The following TEX9 variants were observed in gnomAD, a reference collection of about 807,000 sequenced individuals.
TEX9 encodes testis expressed 9.
In TEX9, 74 loss-of-function variants were observed where a neutral mutation model predicts 59.6. That is an observed-to-expected ratio of 1.24 (90% CI 1.03 to 1.51). The LOEUF (loss-of-function observed/expected upper bound fraction) is 1.51, where lower values mean the gene tolerates loss of function less well. TEX9 is among the 40% of genes most tolerant of loss of function. The probability of loss-of-function intolerance (pLI) is 0.00; values close to 1 mark genes in which losing one functional copy is unlikely to be tolerated. For missense variants in TEX9, 522 were observed against 447.8 expected (o/e 1.17, Z -1.49); for synonymous variants, 186 against 152.2 (o/e 1.22, Z -1.64).
At chr15:56,394,772 C>T in exon 9 of TEX9, 1 of 1,613,086 alleles carries the variant, frequency 6.2e-7, no homozygotes, top group Non-Finnish European at 8.5e-7. Flanking sequence ...ATACAAAACT[C>T]TTTTCGAAGA....
chr15:56,275,211 C>T (rs944688471), intron 1 of TEX9, among the ~76,000 whole-genome samples: 5 of 152,180 alleles, frequency 3.3e-5, no homozygotes, highest in African/African-American at 4.8e-5. Context: ...TTTTCATCCC[C>T]AGCTTCCAGC....
chr15:56,253,289 CA>C (rs1432205590), intron 1 of TEX9, among the ~76,000 whole-genome samples: 1 of 151,646 alleles, frequency 6.6e-6, no homozygotes, highest in Non-Finnish European at 1.5e-5. Flanking sequence ...CTACACCAAG[CA>C]AAAAAACCCC....
intron 10 of TEX9, among the ~76,000 whole-genome samples, chr15:56,427,040 C>G (rs1204772109): frequency 6.6e-6 from 1 of 152,006 alleles, no homozygotes; most frequent in African/African-American, 2.4e-5. Flanking sequence ...GTTTTGAGGG[C>G]TCTGTTTTTC....
intron 5 of TEX9, 49 bp from the exon 6 acceptor site, chr15:56,389,269 C>G: frequency 6.9e-7 from 1 of 1,456,056 alleles, no homozygotes; most frequent in Non-Finnish European, 9.6e-7. Flanking sequence ...CTTTCTTTGG[C>G]AAATGATTAG....
chr15:56,326,859 G>A (rs1274964809), intron 1 of TEX9, among the ~76,000 whole-genome samples: 1 of 152,184 alleles, frequency 6.6e-6, no homozygotes, highest in African/African-American at 2.4e-5. Flanking sequence ...GCCATTAGAA[G>A]TTGGATGGAG....
chr15:56,434,363 T>C, intron 12 of TEX9: 3 of 1,612,792 alleles, frequency 1.9e-6, no homozygotes, highest in Non-Finnish European at 2.5e-6. Context: ...GCTTCATCTC[T>C]TTTTGCTTTC....
chr15:56,300,327 G>A (rs1259876027), intron 1 of TEX9, among the ~76,000 whole-genome samples: 2 of 151,900 alleles, frequency 1.3e-5, no homozygotes, highest in African/African-American at 2.4e-5. Flanking sequence ...TTGTGGCTTG[G>A]GTGCCAGTTC....
intron 1 of TEX9, among the ~76,000 whole-genome samples, chr15:56,330,264 C>G (rs963882931): frequency 6.6e-6 from 1 of 152,122 alleles, no homozygotes; most frequent in Non-Finnish European, 1.5e-5. Context: ...CAGACCTGCT[C>G]TATAAGAAAT....
intron 1 of TEX9, among the ~76,000 whole-genome samples, chr15:56,270,158 A>C (rs1317044199): frequency 3.3e-5 from 5 of 152,178 alleles, no homozygotes; most frequent in African/African-American, 9.7e-5. Flanking sequence ...GATGCCTATT[A>C]GGTCTGCTTG....
chr15:56,381,125 TATTTTCAAATAGCATG>T (rs1302853433), intron 3 of TEX9, among the ~76,000 whole-genome samples: 2 of 152,136 alleles, frequency 1.3e-5, no homozygotes, highest in Non-Finnish European at 2.9e-5. Flanking sequence ...GTCTCCTCTG[TATTTTCAAATAGCATG>T]TCTTCAAGAT....
chr15:56,375,543 T>G (rs1365551477), intron 3 of TEX9, among the ~76,000 whole-genome samples: 12 of 152,138 alleles, frequency 7.9e-5, no homozygotes, highest in East Asian at 3.9e-4. Context: ...GTCAATTTTG[T>G]CTTTTGTTGC....
intron 12 of TEX9, among the ~76,000 whole-genome samples, chr15:56,438,365 A>G (rs2050763807): frequency 6.6e-6 from 1 of 152,220 alleles, no homozygotes; most frequent in East Asian, 1.9e-4. Context: ...CAGGTTTGTT[A>G]CAAACCTGAC....
In TEX9 at chr15:56,413,875, G is replaced by A. The variant is rs1007250971; in HGVS notation, c.963+1439G>A. On this transcript the variant is annotated intron_variant, in intron 10 of 12. Transcript: ENST00000352903. ...CATGTTTGAGAGGCAAATATGTGCC[G>A]TAGTGATTACAGAGTTTTAAGATGT... is the stretch of plus-strand genomic sequence containing the variant. Among the ~76,000 whole-genome samples the A allele has an allele frequency of 8.6e-5, 13 of 151,654 alleles. 1 individual carries two copies. Among genetic ancestry groups the A allele is most frequent in the African/African-American group, 2.7e-4 (11 of 41,084 alleles).
chr15:56,417,570 C>CG (rs35462674), intron 10 of TEX9, among the ~76,000 whole-genome samples: 73,513 of 151,458 alleles, frequency 0.49, 18,236 homozygotes, highest in South Asian at 0.64. Context: ...GGTATGATTT[C>CG]GTTCTTTTAC....
chr15:56,443,358 A>C, intron 12 of TEX9: 2 of 1,105,420 alleles, frequency 1.8e-6, no homozygotes, highest in Non-Finnish European at 2.5e-6. Flanking sequence ...TAAATGTACT[A>C]TCTCTTTTCT....
At chr15:56,284,485 CTG>C (rs1312487786) in intron 1 of TEX9, among the ~76,000 whole-genome samples, 4 of 151,788 alleles carry the variant, frequency 2.6e-5, no homozygotes, top group South Asian at 2.1e-4. Context: ...GTAAAAATGC[CTG>C]TGTTATATAA....
rs554719620 is a variant in TEX9, at chr15:56,439,439, G to T, written c.*30-6232G>T. On this transcript the variant is annotated intron_variant, in intron 12 of 12. Transcript: ENST00000352903. ...TTCATATGGAAAGGCAAAGGAACTA[G>T]AATAGCTAAAAAAAAAATTTTAAGA... Among the ~76,000 whole-genome samples the T allele has an allele frequency of 4.0e-3, 217 of 54,750 alleles. 1 individual carries two copies. The highest frequency in any genetic ancestry group is 0.011 in the African/African-American group (202 of 18,112). The allele number at this position is 54,750 out of a possible 152,430, so 35.9% of individuals were successfully genotyped here.
chr15:56,261,847 G>C (rs1203846592), intron 1 of TEX9, among the ~76,000 whole-genome samples: 3 of 152,150 alleles, frequency 2.0e-5, no homozygotes, highest in Non-Finnish European at 2.9e-5. Flanking sequence ...TGAGATAGCC[G>C]ACCCAAGGAA....
intron 3 of TEX9, among the ~76,000 whole-genome samples, chr15:56,377,351 G>A (rs1205865008): frequency 5.9e-5 from 9 of 152,024 alleles, no homozygotes; most frequent in Admixed American, 5.9e-4. Context: ...GGGTAGTATG[G>A]ACATTTTAAC....
Sources: gnomAD v4.1 joint callset for allele counts (sites outside exome capture counted in the v4.1 genomes callset) on GRCh38, gnomAD v4.1.1 for gene constraint, MANE v1.5 for transcripts, NCBI Gene and HGNC (gene_info 2026-07-23, HGNC 2026-07-21) for gene names.